The following NTNG1 variants were observed in gnomAD, a reference collection of about 807,000 sequenced individuals.
NTNG1 encodes netrin G1.
In NTNG1, 16 loss-of-function variants were observed where a neutral mutation model predicts 54.0. The ratio of observed to expected loss-of-function variants is 0.30; its 90% confidence interval spans 0.20 to 0.45. NTNG1 has a LOEUF of 0.45. NTNG1 is among the 20% of genes least tolerant of loss of function. NTNG1 has a pLI of 1.00. For missense variants in NTNG1, 530 were observed against 678.7 expected (o/e 0.78, Z 2.43); for synonymous variants, 255 against 263.1 (o/e 0.97, Z 0.30).
At chr1:107,234,099 A>T (rs1452920571) in intron 2 of NTNG1, among the ~76,000 whole-genome samples, 1 of 152,158 alleles carries the variant, frequency 6.6e-6, no homozygotes, top group East Asian at 1.9e-4. Flanking sequence ...ATCTAATAGC[A>T]TAATGACGTA....
intron 2 of NTNG1, among the ~76,000 whole-genome samples, chr1:107,311,633 G>A (rs1233219371): frequency 6.6e-6 from 1 of 152,014 alleles, no homozygotes; most frequent in Non-Finnish European, 1.5e-5. Flanking sequence ...CAACCTATGA[G>A]CAAATCCATT....
At chr1:107,220,341 C>G (rs1455339553) in intron 2 of NTNG1, among the ~76,000 whole-genome samples, 1 of 152,234 alleles carries the variant, frequency 6.6e-6, no homozygotes, top group Non-Finnish European at 1.5e-5. Context: ...TGTGGATTCT[C>G]TCAGCTTTCC....
intron 2 of NTNG1, among the ~76,000 whole-genome samples, chr1:107,199,659 A>T (rs769906504): frequency 9.2e-5 from 14 of 151,838 alleles, no homozygotes; most frequent in Non-Finnish European, 1.8e-4. Context: ...CCAATTTTAA[A>T]CTGATTTATT....
At chr1:107,283,160 T>C (rs557236870) in intron 2 of NTNG1, among the ~76,000 whole-genome samples, 1 of 152,174 alleles carries the variant, frequency 6.6e-6, no homozygotes, top group Non-Finnish European at 1.5e-5. Flanking sequence ...TGCCTTTTAC[T>C]CTGAGAGTAG....
intron 2 of NTNG1, among the ~76,000 whole-genome samples, chr1:107,203,666 G>T (rs1169684196): frequency 6.6e-6 from 1 of 150,676 alleles, no homozygotes; most frequent in Admixed American, 6.6e-5. Context: ...TTTATGTTTG[G>T]TTTTTCAACT....
chr1:107,423,460 G>T (rs1674697804), intron 5 of NTNG1, among the ~76,000 whole-genome samples: 1 of 152,042 alleles, frequency 6.6e-6, no homozygotes, highest in African/African-American at 2.4e-5. Flanking sequence ...TCGTGCCAAG[G>T]TTGAGAAACC....
At chr1:107,324,143 C>A in intron 2 of NTNG1, 139 bp from the exon 3 acceptor site, 1 of 723,034 alleles carries the variant, frequency 1.4e-6, no homozygotes, top group Non-Finnish European at 2.4e-6. Flanking sequence ...AGAGGAGAAT[C>A]CAGTTAGGGC....
At chr1:107,233,366 A>G (rs1227399012) in intron 2 of NTNG1, among the ~76,000 whole-genome samples, 1 of 152,218 alleles carries the variant, frequency 6.6e-6, no homozygotes, top group African/African-American at 2.4e-5. Flanking sequence ...CTTGAACTCT[A>G]GCATTCCACT....
chr1:107,436,052 G>T (rs898629041), intron 6 of NTNG1, among the ~76,000 whole-genome samples: 2 of 152,104 alleles, frequency 1.3e-5, no homozygotes, highest in Non-Finnish European at 2.9e-5. Flanking sequence ...ATTATTTGGG[G>T]TTACAAAGTT....
At chr1:107,410,155 G>A (rs776173962) in intron 5 of NTNG1, 2 of 152,144 alleles carry the variant, frequency 1.3e-5, no homozygotes, top group African/African-American at 2.4e-5. Flanking sequence ...TATAGCAGAT[G>A]TAACACCCCT....
chr1:107,455,715 A>G, intron 7 of NTNG1: 1 of 401,918 alleles, frequency 2.5e-6, no homozygotes, highest in South Asian at 1.7e-5. Flanking sequence ...CAATACGCGG[A>G]TGAGCCTTTT....
intron 7 of NTNG1, among the ~76,000 whole-genome samples, chr1:107,454,552 A>T (rs1439694967): frequency 6.6e-6 from 1 of 152,206 alleles, no homozygotes; most frequent in Non-Finnish European, 1.5e-5. Flanking sequence ...TTACCAAAAA[A>T]AAAAAATCAC....
chr1:107,305,166 G>A (rs938568330), intron 2 of NTNG1, among the ~76,000 whole-genome samples: 1 of 152,080 alleles, frequency 6.6e-6, no homozygotes, highest in African/African-American at 2.4e-5. Flanking sequence ...TTCCACATCT[G>A]TGCTATTGTG....
At chr1:107,367,268 G>A (rs1570778293) in intron 3 of NTNG1, among the ~76,000 whole-genome samples, 1 of 152,180 alleles carries the variant, frequency 6.6e-6, no homozygotes, top group East Asian at 1.9e-4. Context: ...ATGTTTGCCT[G>A]AAATTGATTT....
At chr1:107,197,453 G>T (rs1658426367) in intron 2 of NTNG1, among the ~76,000 whole-genome samples, 1 of 152,008 alleles carries the variant, frequency 6.6e-6, no homozygotes, top group African/African-American at 2.4e-5. Flanking sequence ...ATAATGAAAT[G>T]ATATCTTTGA....
intron 2 of NTNG1, among the ~76,000 whole-genome samples, chr1:107,169,233 A>C (rs1233063873): frequency 2.6e-5 from 4 of 152,166 alleles, no homozygotes; most frequent in Non-Finnish European, 5.9e-5. Context: ...AAATTCAAGG[A>C]AATTTGGAGA....
At chr1:107,458,888 A>G (rs556937714) in intron 7 of NTNG1, among the ~76,000 whole-genome samples, 1 of 152,244 alleles carries the variant, frequency 6.6e-6, no homozygotes, top group Non-Finnish European at 1.5e-5. Context: ...AATTGGAAAC[A>G]TTGTTTTCTT....
At chr1:107,369,285 A>G (rs1367996560) in intron 3 of NTNG1, among the ~76,000 whole-genome samples, 1 of 152,190 alleles carries the variant, frequency 6.6e-6, no homozygotes, top group Non-Finnish European at 1.5e-5. Context: ...GCCGAATCAT[A>G]TGGTAAACAT....
chr1:107,426,046 G>A (rs1359737517), intron 5 of NTNG1, among the ~76,000 whole-genome samples: 1 of 151,862 alleles, frequency 6.6e-6, no homozygotes, highest in Non-Finnish European at 1.5e-5. Context: ...TTCTTGTTGA[G>A]TTATCTGAGT....
Sources: gnomAD v4.1 joint callset for allele counts (sites outside exome capture counted in the v4.1 genomes callset) on GRCh38, gnomAD v4.1.1 for gene constraint, MANE v1.5 for transcripts, NCBI Gene and HGNC (gene_info 2026-07-23, HGNC 2026-07-21) for gene names.